The following GSDMC variants were observed in gnomAD, a reference collection of about 807,000 sequenced individuals.
GSDMC encodes gasdermin-C.
Under a neutral mutation model 58.0 loss-of-function variants are expected in GSDMC, and 59 were observed. That is an observed-to-expected ratio of 1.02 (90% CI 0.82 to 1.26). The LOEUF (loss-of-function observed/expected upper bound fraction) is 1.26, where lower values mean the gene tolerates loss of function less well. GSDMC is among the 50% of genes most tolerant of loss of function. The pLI, the probability that GSDMC is intolerant of heterozygous loss-of-function variation, is 0.00. For missense variants in GSDMC, 659 were observed against 598.5 expected (o/e 1.10, Z -1.06); for synonymous variants, 241 against 220.2 (o/e 1.09, Z -0.83).
chr8:129,750,361 G>A, intron 11 of GSDMC, 70 bp downstream of exon 11: 1 of 1,420,846 alleles, frequency 7.0e-7, no homozygotes, highest in South Asian at 1.3e-5. Flanking sequence ...CATGTAACTT[G>A]GGAGTCATAT....
chr8:129,709,978 CTA>C, the GSDMC span, among the ~76,000 whole-genome samples: 1 of 152,206 alleles, frequency 6.6e-6, no homozygotes, highest in Non-Finnish European at 1.5e-5. Flanking sequence ...ATGGTAGAAA[CTA>C]TGTCTTTGTT....
the GSDMC span, among the ~76,000 whole-genome samples, chr8:129,714,435 G>A: frequency 6.6e-6 from 1 of 152,166 alleles, no homozygotes; most frequent in African/African-American, 2.4e-5. Flanking sequence ...TTTCTCAAAG[G>A]GAACTTGTTA....
intron 7 of GSDMC, 57 bp from the exon 8 acceptor site, chr8:129,752,204 CT>C: frequency 7.6e-7 from 1 of 1,323,374 alleles, no homozygotes; most frequent in Non-Finnish European, 1.1e-6. Flanking sequence ...CCTACTTTTC[CT>C]CCTCTACTTC....
At chr8:129,712,310 G>T in the GSDMC span, among the ~76,000 whole-genome samples, 41,384 of 152,010 alleles carry the variant, frequency 0.27, 7,908 homozygotes, top group East Asian at 0.68. Context: ...GCAGTTAGAT[G>T]ATACAGACCG....
At position 129,750,438 on chromosome 8, in the gene GSDMC, A is replaced by T. The variant is rs139994074; in HGVS notation, c.1076T>A (p.Met359Lys). 2 of 1,613,504 alleles carry T rather than the reference A, an allele frequency of 1.2e-6. No individual in the cohort carries two copies. The highest frequency in any genetic ancestry group is 8.5e-7 in the Non-Finnish European group (1 of 1,179,764). Residue 359 changes from methionine (M) to lysine (K), a missense_variant, in exon 11 of 14, where the codon ATG becomes AAG. Met to Lys is a moderately conservative substitution (Grantham distance 95). Transcript: ENST00000276708. ...LRDRGALQDL[M>K]NMLELDSSGH... ...AACTGTGGAGCCCCTCACCATGTTC[A>T]TCAGGTCCTGTAGAGCCCCTCTGTC...
the GSDMC span, among the ~76,000 whole-genome samples, chr8:129,737,354 C>T: frequency 6.6e-6 from 1 of 152,168 alleles, no homozygotes; most frequent in East Asian, 1.9e-4. Context: ...GCCAAAAGAA[C>T]AAAGCTGGAA....
At chr8:129,742,518 AG>A in the GSDMC span, among the ~76,000 whole-genome samples, 1 of 152,150 alleles carries the variant, frequency 6.6e-6, no homozygotes, top group Non-Finnish European at 1.5e-5. Context: ...ACAGGTCTCT[AG>A]GGTTTTCTCT....
downstream of GSDMC, among the ~76,000 whole-genome samples, chr8:129,745,879 C>T (rs2032950770): frequency 1.1e-5 from 1 of 94,998 alleles, no homozygotes; most frequent in South Asian, 3.0e-4. Flanking sequence ...CCCAGACCCC[C>T]AGGTGAGCCC....
chr8:129,780,755 C>G (rs1041325201), intron 1 of GSDMC, among the ~76,000 whole-genome samples: 1 of 152,140 alleles, frequency 6.6e-6, no homozygotes, highest in Non-Finnish European at 1.5e-5. Flanking sequence ...AATATTATAA[C>G]ACTGTAATTG....
At chr8:129,728,496 G>A in the GSDMC span, among the ~76,000 whole-genome samples, 1 of 152,188 alleles carries the variant, frequency 6.6e-6, no homozygotes. Context: ...CCACCCACTG[G>A]ATTCTCCCTC....
At chr8:129,758,335 C>T (rs1318187977) in intron 6 of GSDMC, among the ~76,000 whole-genome samples, 1 of 152,120 alleles carries the variant, frequency 6.6e-6, no homozygotes, top group Admixed American at 6.5e-5. Context: ...TTCATTATTG[C>T]TGTTTAGCAT....
At chr8:129,774,245 CAT>C (rs2034150593) in intron 3 of GSDMC, among the ~76,000 whole-genome samples, 1 of 152,110 alleles carries the variant, frequency 6.6e-6, no homozygotes. Context: ...GAAATAAACT[CAT>C]ATGTGTATGA....
At chr8:129,770,574 TTATAAC>T (rs758523997) in intron 3 of GSDMC, among the ~76,000 whole-genome samples, 11 of 152,132 alleles carry the variant, frequency 7.2e-5, no homozygotes, top group African/African-American at 1.2e-4. Flanking sequence ...AAATAGGATA[TTATAAC>T]TATAAGATAT....
intron 13 of GSDMC, 135 bp downstream of exon 13, chr8:129,749,317 C>G (rs973302744): frequency 3.1e-6 from 2 of 653,650 alleles, no homozygotes; most frequent in Non-Finnish European, 5.5e-6. Context: ...CCAAGGATTC[C>G]CCAGTGGCCA....
chr8:129,712,053 T>C, the GSDMC span, among the ~76,000 whole-genome samples: 1 of 152,148 alleles, frequency 6.6e-6, no homozygotes, highest in African/African-American at 2.4e-5. Context: ...GCCCAGGAGT[T>C]TGAGGCCTGC....
intron 10 of GSDMC, among the ~76,000 whole-genome samples, chr8:129,751,161 A>C (rs1186296413): frequency 1.3e-5 from 2 of 152,166 alleles, no homozygotes; most frequent in Non-Finnish European, 2.9e-5. Flanking sequence ...GGCACATATA[A>C]GCTACCCTTA....
the GSDMC span, among the ~76,000 whole-genome samples, chr8:129,741,915 A>AATATATATATATATACATATAT: frequency 2.4e-5 from 3 of 126,272 alleles, 1 homozygote; most frequent in African/African-American, 1.1e-4. Flanking sequence ...AAGAAAATGT[A>AATATATATATATATACATATAT]ATATATATAT....
chr8:129,738,817 G>GA, the GSDMC span, among the ~76,000 whole-genome samples: 1 of 151,550 alleles, frequency 6.6e-6, no homozygotes, highest in South Asian at 2.1e-4. Flanking sequence ...TTAAAAAAAA[G>GA]AAAAAAAATA....
chr8:129,713,384 C>G, the GSDMC span, among the ~76,000 whole-genome samples: 8 of 136,610 alleles, frequency 5.9e-5, no homozygotes, highest in South Asian at 4.7e-4. Flanking sequence ...TCCCAGCCAT[C>G]AATGGAGCCT....
Sources: allele counts gnomAD v4.1 joint callset (sites outside exome capture counted in the v4.1 genomes callset), GRCh38; gene constraint gnomAD v4.1.1; transcripts MANE v1.5; gene names NCBI Gene and HGNC (gene_info 2026-07-23, HGNC 2026-07-21).